Variants in PPP2R5C observed in about 807,000 individuals in gnomAD.
The protein encoded by PPP2R5C is protein phosphatase 2 regulatory subunit B'gamma.
A neutral mutation model predicts 68.9 loss-of-function variants in PPP2R5C; 7 were observed. The observed-to-expected ratio is 0.10, with a 90% CI of 0.06 to 0.19. The LOEUF (loss-of-function observed/expected upper bound fraction) is 0.19, where lower values mean the gene tolerates loss of function less well. PPP2R5C is among the 10% of genes least tolerant of loss of function. PPP2R5C has a pLI of 1.00. For synonymous variants in PPP2R5C, 210 were observed against 222.2 expected, an observed-to-expected ratio of 0.95 and a Z score of 0.49; for missense variants, 348 against 641.3, an observed-to-expected ratio of 0.54 and a Z score of 4.94.
At chr14:101,836,421 T>TCA (rs781280366) in intron 1 of PPP2R5C, 44 of 700,762 alleles carry the variant, frequency 6.3e-5, no homozygotes, top group Middle Eastern at 2.7e-4. Flanking sequence ...GCTGCTAGAA[T>TCA]CACACACACT....
At chr14:101,774,394 G>A (rs1249623459) in intron 2 of PPP2R5C, among the ~76,000 whole-genome samples, 4 of 152,200 alleles carry the variant, frequency 2.6e-5, no homozygotes, top group Non-Finnish European at 5.9e-5. Context: ...GTTTACCAAT[G>A]TTCTGCAGAG....
chr14:101,806,353 T>C (rs1367585855), upstream of PPP2R5C, among the ~76,000 whole-genome samples: 1 of 151,406 alleles, frequency 6.6e-6, no homozygotes, highest in East Asian at 2.0e-4. Context: ...AGTGAAATCA[T>C]TTAGTGTTTG....
intron 1 of PPP2R5C, among the ~76,000 whole-genome samples, chr14:101,817,652 A>G (rs2039802752): frequency 6.6e-6 from 1 of 152,184 alleles, no homozygotes; most frequent in Non-Finnish European, 1.5e-5. Context: ...GGCTGAGGGT[A>G]GGACCTGGAG....
chr14:101,841,431 G>C lies in PPP2R5C; in HGVS notation c.95-15255G>C, dbSNP rs78984231. 4.9e-3 allele frequency among the ~76,000 whole-genome samples: 753 copies of C among 152,324 alleles called. 6 individuals carry two copies. Among genetic ancestry groups the C allele is most frequent in the African/African-American group, 0.015 (633 of 41,576 alleles). On this transcript the variant is annotated intron_variant, in intron 1 of 13. Transcript: ENST00000334743. ...TGTGTACAGAAAAGTAGACTCTAGA[G>C]GACAGCCTGTGGAGGTTTCCCCAAA...
At chr14:101,911,377 A>G (rs2046382142) in intron 11 of PPP2R5C, among the ~76,000 whole-genome samples, 1 of 152,208 alleles carries the variant, frequency 6.6e-6, no homozygotes. Context: ...GAGAGATGAC[A>G]AGTCAGTCAG....
chr14:101,923,707 G>A (rs1414013529), intron 13 of PPP2R5C, among the ~76,000 whole-genome samples: 3 of 152,186 alleles, frequency 2.0e-5, no homozygotes, highest in Non-Finnish European at 4.4e-5. Context: ...TAATCCTAAA[G>A]TGATGTGACA....
chr14:101,916,090 AT>A lies in PPP2R5C; in HGVS notation c.1327-1740del, dbSNP rs894471123. Among the ~76,000 whole-genome samples the A allele has an allele frequency of 6.6e-6, 1 of 152,134 alleles. No individual in the cohort carries two copies. Among genetic ancestry groups the A allele is most frequent in the Non-Finnish European group, 1.5e-5 (1 of 68,018 alleles). On this transcript the variant is annotated intron_variant, in intron 12 of 13. Coordinates refer to ENST00000334743, the Ensembl canonical transcript of PPP2R5C. This position sits in a 1 kb window ranked among gnomAD's most constrained non-coding sequence, Gnocchi z 5.5. Reference sequence around the variant, plus strand: ...GGAGAGGGAGCAGAATTCCCCCAAAATGTCAGCAGATATTAAAGAGCCATAA... The same window carrying A: ...GGAGAGGGAGCAGAATTCCCCCAAAAGTCAGCAGATATTAAAGAGCCATAA...
chr14:101,832,135 C>T (rs575069513), intron 1 of PPP2R5C, among the ~76,000 whole-genome samples: 2 of 152,268 alleles, frequency 1.3e-5, no homozygotes, highest in South Asian at 4.1e-4. Context: ...TTTCTTGCTC[C>T]TCATTCAGGT....
At position 101,819,142 on chromosome 14, in the gene PPP2R5C, A is replaced by C. The variant is rs925059509; in HGVS notation, c.94+9106A>C. 4 of 1,450,406 alleles carry C rather than the reference A, an allele frequency of 2.8e-6. No individual in the cohort carries two copies. In the Admixed American group the frequency reaches 8.0e-5, roughly 29 times the overall value. 89.8% of individuals were successfully genotyped at this position (1,450,406 alleles called of 1,614,324 possible). ...TTACATTTGTAGACAGTTTCTGTAC[A>C]TGTATAATTAGGAATGGGTTGTCGG... On this transcript the variant is annotated intron_variant, in intron 1 of 13. Transcript: ENST00000334743.
intron 5 of PPP2R5C, among the ~76,000 whole-genome samples, chr14:101,889,520 G>T (rs2044724582): frequency 6.6e-6 from 1 of 152,222 alleles, no homozygotes; most frequent in South Asian, 2.1e-4. Flanking sequence ...GTCACGAGAA[G>T]TCCTTGGCCC....
chr14:101,809,410 A>G (rs1431220904), upstream of PPP2R5C, among the ~76,000 whole-genome samples: 1 of 151,708 alleles, frequency 6.6e-6, no homozygotes, highest in East Asian at 1.9e-4. Flanking sequence ...AAAAACAAAA[A>G]AAAAACACTG....
intron 5 of PPP2R5C, among the ~76,000 whole-genome samples, chr14:101,887,607 G>A (rs2044613075): frequency 6.6e-6 from 1 of 152,192 alleles, no homozygotes; most frequent in African/African-American, 2.4e-5. Context: ...GCTCCTCCAG[G>A]TTGTCTGAGT....
chr14:101,884,215 C>G (rs3783364), intron 5 of PPP2R5C, among the ~76,000 whole-genome samples: 18,620 of 152,162 alleles, frequency 0.12, 1,788 homozygotes, highest in African/African-American at 0.26. Context: ...GCCAGTCTAG[C>G]CCTTCCACGT....
exon 14 of PPP2R5C, chr14:101,927,613 A>G (rs2047330516): frequency 6.6e-6 from 1 of 152,590 alleles, no homozygotes; most frequent in Non-Finnish European, 1.5e-5. Flanking sequence ...TGGCTTTAGT[A>G]TGGCTTCCTT....
intron 1 of PPP2R5C, chr14:101,831,570 T>C (rs2040742519): frequency 2.0e-6 from 1 of 500,096 alleles, no homozygotes; most frequent in African/African-American, 1.9e-5. Flanking sequence ...GTCTGAGTTG[T>C]AAGATGGGAC....
chr14:101,783,831 C>T (rs1332750352), intron 2 of PPP2R5C, among the ~76,000 whole-genome samples: 3 of 152,346 alleles, frequency 2.0e-5, no homozygotes, highest in South Asian at 2.1e-4. Flanking sequence ...TCTACTGGAA[C>T]ACGCACGTAT....
chr14:101,904,856 A>G (rs1239588140), intron 9 of PPP2R5C, among the ~76,000 whole-genome samples: 3 of 152,226 alleles, frequency 2.0e-5, no homozygotes, highest in Non-Finnish European at 4.4e-5. Flanking sequence ...AGAGGCATAC[A>G]TGCTGTGATG....
intron 1 of PPP2R5C, chr14:101,818,116 T>C (rs1186963365): frequency 6.6e-6 from 1 of 152,212 alleles, no homozygotes; most frequent in Non-Finnish European, 1.5e-5. Context: ...TATGCTCTGC[T>C]TATAGATTGT....
At chr14:101,909,555 T>C in intron 10 of PPP2R5C, 34 bp from the exon 13 acceptor site, 3 of 1,465,960 alleles carry the variant, frequency 2.0e-6, no homozygotes, top group Non-Finnish European at 2.9e-6. Context: ...CAGGAATGCG[T>C]GCTCCCAGGC....
Sources: allele counts gnomAD v4.1 joint callset (sites outside exome capture counted in the v4.1 genomes callset), GRCh38; gene constraint gnomAD v4.1.1; non-coding constraint Gnocchi (gnomAD v3.1); transcripts MANE v1.5; gene names NCBI Gene and HGNC (gene_info 2026-07-23, HGNC 2026-07-21).